SUCO: variants seen among roughly 807,000 people sequenced by gnomAD.
SUCO encodes SUN domain containing ossification factor.
In SUCO, 57 loss-of-function variants were observed where a neutral mutation model predicts 148.1. The observed-to-expected ratio is 0.38, with a 90% CI of 0.31 to 0.48. The LOEUF (loss-of-function observed/expected upper bound fraction) is 0.48. Among genes scored for constraint, SUCO ranks in the 20% least tolerant of loss-of-function variants. The probability of loss-of-function intolerance (pLI) is 0.96; values close to 1 mark genes in which losing one functional copy is unlikely to be tolerated. For synonymous variants in SUCO, 470 were observed against 502.7 expected (o/e 0.93, Z 0.87); for missense variants, 1,331 against 1,468.2 (o/e 0.91, Z 1.53).
chr1:172,602,041 A>G, intron 20 of SUCO, 23 bp from the exon 21 acceptor site: 1 of 1,587,068 alleles, frequency 6.3e-7, no homozygotes, highest in Non-Finnish European at 8.6e-7. Context: ...TATGATTATT[A>G]TTTAACCCTC....
chr1:172,581,225 T>C (rs1655864848), intron 15 of SUCO, among the ~76,000 whole-genome samples: 1 of 152,338 alleles, frequency 6.6e-6, no homozygotes. Flanking sequence ...GTTTAGATAC[T>C]TCTGTTTGGA....
intron 1 of SUCO, 56 bp from the exon 2 acceptor site, chr1:172,551,456 C>T (rs954809338): frequency 8.6e-7 from 1 of 1,166,986 alleles, no homozygotes; most frequent in African/African-American, 1.6e-5. Context: ...AACAACTTTT[C>T]TTCTTTCTTT....
intron 15 of SUCO, among the ~76,000 whole-genome samples, chr1:172,580,687 A>G (rs1028783224): frequency 6.6e-6 from 1 of 152,182 alleles, no homozygotes; most frequent in African/African-American, 2.4e-5. Flanking sequence ...AGGTACTGGA[A>G]AAAAGAGGAC....
intron 15 of SUCO, 24 bp from the exon 16 acceptor site, chr1:172,584,994 T>C: frequency 6.6e-7 from 1 of 1,512,232 alleles, no homozygotes; most frequent in Non-Finnish European, 9.1e-7. Context: ...ATTTGGTACT[T>C]TTTCTGATTG....
At chr1:172,555,460 T>C (rs1653662386) in intron 3 of SUCO, 1 of 957,332 alleles carries the variant, frequency 1.0e-6, no homozygotes, top group Non-Finnish European at 1.2e-6. Flanking sequence ...ACATATCTTA[T>C]ATCGTTGCTT....
upstream of SUCO, chr1:172,532,886 C>T: frequency 6.9e-7 from 1 of 1,457,038 alleles, no homozygotes. Context: ...GGACCTGGGG[C>T]GGGCGGAGCG....
At chr1:172,565,080 T>A (rs1184496382) in intron 6 of SUCO, among the ~76,000 whole-genome samples, 2 of 152,330 alleles carry the variant, frequency 1.3e-5, no homozygotes, top group Admixed American at 6.5e-5. Context: ...TTCTGTTCTG[T>A]TCTGTTCTGT....
intron 15 of SUCO, among the ~76,000 whole-genome samples, chr1:172,583,703 C>T (rs1332344540): frequency 6.6e-6 from 1 of 152,106 alleles, no homozygotes; most frequent in Non-Finnish European, 1.5e-5. Flanking sequence ...TAATATGTAG[C>T]CCCTGCCAGA....
In SUCO at chr1:172,585,868, T is replaced by C; in HGVS notation, c.1578T>C (p.Ser526=). Residue 526 remains serine, a synonymous_variant, in exon 17 of 24, where the codon AGT becomes AGC. Coordinates refer to ENST00000263688, the MANE Select transcript of SUCO (RefSeq NM_014283.5). ...TCTTTCTTAAAATAGGAAATAAAAG[T>C]ATATCTGAGAATGCCACTGCCACAG... The part of the protein sequence containing the change: ...KTEDLTEGNK[S]ISENATATAA... The C allele has an allele frequency of 1.2e-6, 2 of 1,604,272 alleles. No individual in the cohort carries two copies. Among genetic ancestry groups the C allele is most frequent in the Non-Finnish European group, 8.5e-7 (1 of 1,174,452 alleles).
chr1:172,535,407 G>A (rs1411954414), intron 1 of SUCO, among the ~76,000 whole-genome samples: 1 of 152,182 alleles, frequency 6.6e-6, no homozygotes, highest in African/African-American at 2.4e-5. Flanking sequence ...GGCTTAAAGG[G>A]TTTTTTAAAG....
intron 22 of SUCO, among the ~76,000 whole-genome samples, chr1:172,603,544 A>G (rs1475075022): frequency 2.6e-5 from 4 of 152,014 alleles, no homozygotes; most frequent in African/African-American, 9.7e-5. Flanking sequence ...GACTTAACCC[A>G]TTACATGTGT....
intron 1 of SUCO, among the ~76,000 whole-genome samples, chr1:172,533,880 G>A (rs768468655): frequency 2.0e-5 from 3 of 152,166 alleles, no homozygotes; most frequent in African/African-American, 4.8e-5. Context: ...GTGGTAAGGG[G>A]ATAAAGCACG....
intron 1 of SUCO, chr1:172,541,808 A>T (rs143244735): frequency 1.0e-6 from 1 of 971,786 alleles, no homozygotes; most frequent in East Asian, 1.1e-4. Context: ...TTCTTGGAGC[A>T]CACTGTCACT....
chr1:172,577,587 A>G, intron 12 of SUCO, 28 bp downstream of exon 12: 1 of 1,609,736 alleles, frequency 6.2e-7, no homozygotes, highest in Non-Finnish European at 8.5e-7. Flanking sequence ...TTGCACTATT[A>G]AATAACAGGG....
At chr1:172,568,863 C>A (rs994344885) in intron 6 of SUCO, among the ~76,000 whole-genome samples, 156 bp from the exon 7 acceptor site, 2 of 151,928 alleles carry the variant, frequency 1.3e-5, no homozygotes, top group Non-Finnish European at 2.9e-5. Flanking sequence ...TTTAAGTAAA[C>A]CAAAACCTTT....
At chr1:172,534,134 C>G (rs531161856) in intron 1 of SUCO, among the ~76,000 whole-genome samples, 111 of 152,008 alleles carry the variant, frequency 7.3e-4, no homozygotes, top group Non-Finnish European at 1.1e-3. Flanking sequence ...TGGTAATGCC[C>G]CTTAGTGACG....
intron 1 of SUCO, among the ~76,000 whole-genome samples, chr1:172,550,476 ACTT>A (rs1653207604): frequency 6.6e-6 from 1 of 151,848 alleles, no homozygotes; most frequent in Admixed American, 6.6e-5. Context: ...TATATCTGGG[ACTT>A]CTTTTAATAG....
chr1:172,608,784 G>C lies in SUCO; in HGVS notation c.3303G>C (p.Lys1101Asn). The C allele has an allele frequency of 6.4e-7, 1 of 1,566,200 alleles. No homozygotes were observed. Among genetic ancestry groups the C allele is most frequent in the Admixed American group, 1.8e-5 (1 of 56,598 alleles). Residue 1101 changes from lysine (K) to asparagine (N), a missense_variant, in exon 23 of 24, where the codon AAG becomes AAC. Coordinates refer to ENST00000263688, the MANE Select transcript of SUCO (RefSeq NM_014283.5). The part of the protein sequence containing the change: ...PNDLYIVEPL[K>N]FSPEKKKKRC... ...ATTTGTACATTGTAGAACCCCTCAA[G>C]TTTTCTCCAGAAAAGAAGGTAATTG...
intron 19 of SUCO, among the ~76,000 whole-genome samples, chr1:172,597,466 T>C (rs1262323309): frequency 6.6e-6 from 1 of 152,258 alleles, no homozygotes; most frequent in Non-Finnish European, 1.5e-5. Flanking sequence ...TGTGTGTGTG[T>C]TAAATAGAAA....
Sources: gnomAD v4.1 joint callset for allele counts (sites outside exome capture counted in the v4.1 genomes callset) on GRCh38, gnomAD v4.1.1 for gene constraint, MANE v1.5 for transcripts, NCBI Gene and HGNC (gene_info 2026-07-23, HGNC 2026-07-21) for gene names.